The following IGSF11 variants were observed in gnomAD, a reference collection of about 807,000 sequenced individuals.
IGSF11 encodes immunoglobulin superfamily member 11, also known as CXADR like 1.
Under a neutral mutation model 41.0 loss-of-function variants are expected in IGSF11, and 22 were observed. The observed-to-expected ratio is 0.54, with a 90% CI of 0.38 to 0.77. The LOEUF is 0.77. Ranked by LOEUF, IGSF11 falls within the 30% of genes least tolerant of loss-of-function variation. The pLI is 0.00. For synonymous variants in IGSF11, 219 were observed against 201.3 expected (o/e 1.09, Z -0.74); for missense variants, 444 against 530.8 (o/e 0.84, Z 1.61).
chr3:118,935,290 G>C (rs1170318547), intron 1 of IGSF11, among the ~76,000 whole-genome samples: 3 of 116,026 alleles, frequency 2.6e-5, no homozygotes, highest in African/African-American at 1.2e-4. Flanking sequence ...GGAAATATCA[G>C]GGTGTATATA....
At chr3:119,059,535 C>T (rs905421043) in intron 1 of IGSF11, among the ~76,000 whole-genome samples, 1 of 152,066 alleles carries the variant, frequency 6.6e-6, no homozygotes, top group African/African-American at 2.4e-5. Flanking sequence ...CAAAATACCA[C>T]GTGTTCCCCA....
intron 1 of IGSF11, among the ~76,000 whole-genome samples, chr3:119,048,605 C>A (rs1441216021): frequency 1.3e-5 from 2 of 151,954 alleles, no homozygotes; most frequent in Non-Finnish European, 2.9e-5. Context: ...TGAAACTATT[C>A]CAATCAATAG....
At chr3:119,050,879 A>C (rs1002066938) in intron 1 of IGSF11, among the ~76,000 whole-genome samples, 1 of 151,844 alleles carries the variant, frequency 6.6e-6, no homozygotes, top group African/African-American at 2.4e-5. Context: ...CATCATTCTC[A>C]GTAAACTATC....
In IGSF11 at chr3:119,047,249, C is replaced by G. The variant is rs1576725260; in HGVS notation, c.49+57895G>C. 2.6e-5 allele frequency among the ~76,000 whole-genome samples: 4 copies of G among 151,912 alleles called. No homozygotes were observed. In the South Asian group the frequency reaches 8.4e-4, roughly 32 times the overall value. ...CCATCAGTGTGCTGTATTCAGGAAA[C>G]CCATCTCATGTGCAGAGACACACAT... On this transcript the variant is annotated intron_variant, in intron 1 of 6. Transcript: ENST00000354673.
intron 4 of IGSF11, among the ~76,000 whole-genome samples, chr3:118,921,845 G>A (rs1941826619): frequency 6.6e-6 from 1 of 152,048 alleles, no homozygotes; most frequent in African/African-American, 2.4e-5. Flanking sequence ...TAAATCAGTA[G>A]TCAAAAATCT....
chr3:119,117,743 T>C (rs1231169686), intron 1 of IGSF11, among the ~76,000 whole-genome samples: 1 of 152,164 alleles, frequency 6.6e-6, no homozygotes, highest in Non-Finnish European at 1.5e-5. Flanking sequence ...GTTAGTCCCT[T>C]CCACCTATGA....
At chr3:119,094,366 A>G (rs966524837) in intron 1 of IGSF11, among the ~76,000 whole-genome samples, 8 of 151,662 alleles carry the variant, frequency 5.3e-5, no homozygotes, top group Admixed American at 5.2e-4. Context: ...CACAACATAC[A>G]CATGGGTAGT....
chr3:118,956,449 G>A (rs1474626203), intron 1 of IGSF11, among the ~76,000 whole-genome samples: 2 of 152,174 alleles, frequency 1.3e-5, no homozygotes, highest in Non-Finnish European at 2.9e-5. Context: ...TAAAGCAAGA[G>A]ATGTGTAGCT....
chr3:119,085,712 TGAGCTG>T (rs1304164313), intron 1 of IGSF11, among the ~76,000 whole-genome samples: 3 of 152,206 alleles, frequency 2.0e-5, no homozygotes, highest in African/African-American at 4.8e-5. Context: ...CTGAACTTCT[TGAGCTG>T]AAGACTTCAT....
At chr3:119,011,040 G>A (rs1033424637) in intron 1 of IGSF11, among the ~76,000 whole-genome samples, 3 of 152,154 alleles carry the variant, frequency 2.0e-5, no homozygotes, top group Non-Finnish European at 1.5e-5. Flanking sequence ...TCATATGGAA[G>A]GATAAGCTTC....
chr3:119,045,916 G>T (rs1457540073), intron 1 of IGSF11, among the ~76,000 whole-genome samples: 1 of 151,950 alleles, frequency 6.6e-6, no homozygotes, highest in Non-Finnish European at 1.5e-5. Context: ...TACTCCAACA[G>T]ACCTGCAGCT....
intron 1 of IGSF11, among the ~76,000 whole-genome samples, chr3:119,129,497 T>A (rs1207364025): frequency 1.3e-5 from 2 of 152,086 alleles, no homozygotes; most frequent in Non-Finnish European, 2.9e-5. Flanking sequence ...AATAGTACTA[T>A]AAGATATAAA....
At chr3:119,121,224 G>C (rs1387092246) in intron 1 of IGSF11, among the ~76,000 whole-genome samples, 1 of 152,040 alleles carries the variant, frequency 6.6e-6, no homozygotes, top group Non-Finnish European at 1.5e-5. Flanking sequence ...ATATCCATGA[G>C]GGGACCATTT....
chr3:119,135,355 C>G (rs1190025612), intron 1 of IGSF11, among the ~76,000 whole-genome samples: 1 of 152,144 alleles, frequency 6.6e-6, no homozygotes, highest in African/African-American at 2.4e-5. Flanking sequence ...AAAACTCAAA[C>G]AAATTTACAA....
intron 4 of IGSF11, among the ~76,000 whole-genome samples, chr3:118,914,009 G>A (rs933244881): frequency 6.6e-6 from 1 of 152,142 alleles, no homozygotes; most frequent in African/African-American, 2.4e-5. Flanking sequence ...AGGGAAAATG[G>A]AAGAAAGACA....
intron 1 of IGSF11, among the ~76,000 whole-genome samples, chr3:119,134,272 A>AG (rs74641520): frequency 0.24 from 37,237 of 152,066 alleles, 4,652 homozygotes; most frequent in South Asian, 0.3. Context: ...AGGAAGTCAA[A>AG]GGGTCCCTGT....
Position 118,930,262 on chromosome 3 carries a change from G to A in IGSF11, c.66C>T (p.Ser22=), listed in dbSNP as rs758157880. The A allele has an allele frequency of 9.3e-6, 15 of 1,612,774 alleles. No individual in the cohort carries two copies. In the South Asian group the frequency reaches 1.5e-4, roughly 17 times the overall value. Residue 22 remains serine (S), a synonymous_variant, in exon 2 of 7, where the codon TCC becomes TCT. Transcript: ENST00000393775. The part of the protein sequence containing the change: ...LLLSLHGVAA[S]LEVSESPGSI... Reference sequence around the variant, plus strand: ...TCCCAGGGCTCTCTGACACTTCCAGGGATGCTGCAACACCTACAGAAGAAG... The same window carrying A: ...TCCCAGGGCTCTCTGACACTTCCAGAGATGCTGCAACACCTACAGAAGAAG...
chr3:119,047,874 G>A (rs1230391872), intron 1 of IGSF11, among the ~76,000 whole-genome samples: 2 of 152,052 alleles, frequency 1.3e-5, no homozygotes, highest in African/African-American at 2.4e-5. Context: ...CATGGAAACT[G>A]AACAACCTGC....
At chr3:119,099,794 A>G (rs1293174620) in intron 1 of IGSF11, among the ~76,000 whole-genome samples, 2 of 152,238 alleles carry the variant, frequency 1.3e-5, no homozygotes, top group Non-Finnish European at 2.9e-5. Flanking sequence ...AGTAAGATCC[A>G]TGGTTTTAGA....
Sources: allele counts gnomAD v4.1 joint callset (sites outside exome capture counted in the v4.1 genomes callset), GRCh38; gene constraint gnomAD v4.1.1; transcripts MANE v1.5; gene names NCBI Gene and HGNC (gene_info 2026-07-23, HGNC 2026-07-21).